The following TRIM35 variants were observed in gnomAD, a reference collection of about 807,000 sequenced individuals.
TRIM35 encodes the protein E3 ubiquitin-protein ligase TRIM35.
Under a neutral mutation model 49.1 loss-of-function variants are expected in TRIM35, and 37 were observed. That is an observed-to-expected ratio of 0.75 (90% CI 0.58 to 0.99). The LOEUF (loss-of-function observed/expected upper bound fraction) is 0.99, where lower values mean the gene tolerates loss of function less well. Ranked by LOEUF, TRIM35 falls within the 50% of genes least tolerant of loss-of-function variation. TRIM35 has a pLI of 0.00. For synonymous variants in TRIM35, 302 were observed against 289.3 expected (o/e 1.04, Z -0.45); for missense variants, 648 against 702.7 (o/e 0.92, Z 0.88).
intron 4 of TRIM35, among the ~76,000 whole-genome samples, chr8:27,289,503 C>T (rs1316857101): frequency 6.6e-6 from 1 of 152,200 alleles, no homozygotes; most frequent in East Asian, 1.9e-4. Context: ...CTCACCCTGC[C>T]CCAACTAGGA....
At chr8:27,310,696 C>A in intron 1 of TRIM35, 105 bp downstream of exon 1, 10 of 1,302,148 alleles carry the variant, frequency 7.7e-6, no homozygotes, top group Non-Finnish European at 9.4e-6. Flanking sequence ...GAGCGAGACG[C>A]GGGCACACTG....
chr8:27,308,495 A>C (rs1322580539), intron 1 of TRIM35, among the ~76,000 whole-genome samples: 1 of 152,204 alleles, frequency 6.6e-6, no homozygotes, highest in Non-Finnish European at 1.5e-5. Context: ...TGAGGCACAC[A>C]GCTTCTTACC....
chr8:27,289,092 C>G, intron 5 of TRIM35, 70 bp downstream of exon 5: 1 of 1,309,496 alleles, frequency 7.6e-7, no homozygotes, highest in Non-Finnish European at 1.1e-6. Context: ...AGAGACCAGC[C>G]CTGGTGCCTC....
At chr8:27,302,414 T>TA (rs528246754) in intron 1 of TRIM35, among the ~76,000 whole-genome samples, 297 of 152,246 alleles carry the variant, frequency 2.0e-3, no homozygotes, top group African/African-American at 6.3e-3. Flanking sequence ...ATTTTTAAAT[T>TA]AAAAAAACCC....
At chr8:27,309,189 C>T (rs963247920) in intron 1 of TRIM35, among the ~76,000 whole-genome samples, 2 of 152,160 alleles carry the variant, frequency 1.3e-5, no homozygotes, top group African/African-American at 2.4e-5. Flanking sequence ...AGCCCTGACC[C>T]CAGCATCTCC....
In TRIM35 at chr8:27,292,708, G is replaced by A. The variant is rs191663356; in HGVS notation, c.762+1372C>T. Among the ~76,000 whole-genome samples the A allele has an allele frequency of 1.3e-3, 205 of 152,214 alleles. 1 individual carries two copies. Among genetic ancestry groups the A allele is most frequent in the African/African-American group, 4.7e-3 (194 of 41,512 alleles). On this transcript the variant is annotated intron_variant, in intron 3 of 5. Coordinates refer to ENST00000305364, the MANE Select transcript of TRIM35 (RefSeq NM_171982.5). Reference sequence around the variant, plus strand: ...GTTTTTATGTGGGAGGAGGAACTGGGGAGTGACAGCTAAAGCAGGGCTGCT... The same window carrying A: ...GTTTTTATGTGGGAGGAGGAACTGGAGAGTGACAGCTAAAGCAGGGCTGCT...
At chr8:27,289,422 G>A (rs770921044) in intron 4 of TRIM35, 142 bp from the exon 5 acceptor site, 39 of 670,756 alleles carry the variant, frequency 5.8e-5, no homozygotes, top group Non-Finnish European at 9.3e-5. Flanking sequence ...GACAAGACTG[G>A]ACTGGGCTAC....
At chr8:27,299,149 T>C (rs1027841235) in intron 1 of TRIM35, among the ~76,000 whole-genome samples, 3 of 152,204 alleles carry the variant, frequency 2.0e-5, no homozygotes, top group Non-Finnish European at 2.9e-5. Context: ...CGGAATACTT[T>C]AATCAGCAGG....
At chr8:27,288,817 T>G (rs1231469962) in intron 5 of TRIM35, among the ~76,000 whole-genome samples, 1 of 152,238 alleles carries the variant, frequency 6.6e-6, no homozygotes, top group African/African-American at 2.4e-5. Flanking sequence ...TCATGTGGGC[T>G]GCAGTCGCCT....
rs551031134 is a variant in TRIM35, at chr8:27,286,393, G to A, written c.*1157C>T. 4.0e-5 allele frequency: 13 copies of A among 321,010 alleles called. 1 individual carries two copies. The highest frequency in any genetic ancestry group is 1.2e-4 in the Admixed American group (3 of 24,648). The allele number at this position is 321,010 out of a possible 1,614,324, so 19.9% of individuals were successfully genotyped here. A position where few individuals can be genotyped will look rare whatever the true frequency, so the allele number is the denominator to read the frequency against. ...CAGCGTTTAGGGCCACGTCCATGGC[G>A]CCACCCCTCTCCTTTCTTCCCAACT... On this transcript the variant is annotated 3_prime_UTR_variant, in exon 6 of 6. Transcript: ENST00000305364.
In TRIM35 at chr8:27,287,914, A is replaced by G. The variant is rs1288145107; in HGVS notation, c.1118T>C (p.Val373Ala). 3 of 1,612,860 alleles carry G rather than the reference A, an allele frequency of 1.9e-6. No individual in the cohort carries two copies. In the African/African-American group the frequency reaches 4.0e-5, roughly 22 times the overall value. ...GGLQSWRVGVVRVRQDSGAEG... is the reference protein window; with the variant it reads ...GGLQSWRVGVARVRQDSGAEG... ...AGCGCCCGAGTCCTGGCGCACACGT[A>G]CCACGCCCACCCTCCAGCTCTGCAG... Residue 373 changes from valine to alanine, a missense_variant, in exon 6 of 6, where the codon GTA becomes GCA. Physicochemically the swap from Val to Ala is moderately conservative, Grantham distance 64. Transcript: ENST00000305364. The surrounding 1 kb of genome is among the most constrained non-coding windows in gnomAD (Gnocchi z 6.0).
chr8:27,311,221 G>C lies in TRIM35; in HGVS notation c.15C>G (p.Pro5=). 1 of 1,562,550 alleles carries C rather than the reference G, an allele frequency of 6.4e-7. No homozygotes were observed. Among genetic ancestry groups the C allele is most frequent in the Non-Finnish European group, 8.7e-7 (1 of 1,150,828 alleles). MERS[P]DVSPGPSRSF... ...AGCGGGAAGGCCCGGGGGACACGTCGGGACTCCGCTCCATGGCACGAGCAG... is the reference window on the plus strand; with the variant it reads ...AGCGGGAAGGCCCGGGGGACACGTCCGGACTCCGCTCCATGGCACGAGCAG... The change falls in exon 1 of 6, where the codon CCC becomes CCG. Residue 5 remains proline, a synonymous_variant. Transcript: ENST00000305364.
chr8:27,285,221 T>C lies in TRIM35; in HGVS notation c.*2329A>G, dbSNP rs780923488. On this transcript the variant is annotated 3_prime_UTR_variant, in exon 6 of 6. Transcript: ENST00000305364. ...TTAAAAGATAGATAATAAAAAGCAC[T>C]GAGGGATGTGGAGTCATCAGAACCC... 1 of 152,200 alleles carries C rather than the reference T, an allele frequency of 6.6e-6. No individual in the cohort carries two copies. Among genetic ancestry groups the C allele is most frequent in the Non-Finnish European group, 1.5e-5 (1 of 68,044 alleles). The allele number at this position is 152,200 out of a possible 1,614,324, so 9.4% of individuals were successfully genotyped here. A position where few individuals can be genotyped will look rare whatever the true frequency, so the allele number is the denominator to read the frequency against.
At chr8:27,291,162 C>A (rs892700815) in intron 3 of TRIM35, among the ~76,000 whole-genome samples, 1 of 149,668 alleles carries the variant, frequency 6.7e-6, no homozygotes, top group Non-Finnish European at 1.5e-5. Context: ...GAGCTAAAAC[C>A]GATAAAAAAC....
At chr8:27,292,064 T>C (rs113929257) in intron 3 of TRIM35, among the ~76,000 whole-genome samples, 2,168 of 152,324 alleles carry the variant, frequency 0.014, 24 homozygotes, top group Middle Eastern at 0.034. Flanking sequence ...CAACCACCAA[T>C]TGATAAATCA....
chr8:27,299,008 T>C (rs1453968178), intron 1 of TRIM35, among the ~76,000 whole-genome samples: 2 of 152,160 alleles, frequency 1.3e-5, no homozygotes, highest in African/African-American at 4.8e-5. Flanking sequence ...GTGAGGTGAC[T>C]GACAATGGGG....
intron 2 of TRIM35, among the ~76,000 whole-genome samples, chr8:27,297,709 T>C (rs1802598108): frequency 6.6e-6 from 1 of 152,228 alleles, no homozygotes; most frequent in Non-Finnish European, 1.5e-5. Flanking sequence ...CAGGAAAAGC[T>C]TCTTTAAGAG....
chr8:27,294,109 T>A lies in TRIM35; in HGVS notation c.733A>T (p.Met245Leu). 1 of 1,614,180 alleles carries A rather than the reference T, an allele frequency of 6.2e-7. No homozygotes were observed. Among genetic ancestry groups the A allele is most frequent in the Non-Finnish European group, 8.5e-7 (1 of 1,180,042 alleles). Residue 245 changes from methionine to leucine, a missense_variant, in exon 3 of 6, where the codon ATG becomes TTG. By Grantham distance (15) the Met-to-Leu change is conservative. Transcript: ENST00000305364. ...AGAAAAGAAACGTCGTCCTCCTTCATCTCCATCTGCAGCCGCTCGATCTCA... is the reference window on the plus strand; with the variant it reads ...AGAAAAGAAACGTCGTCCTCCTTCAACTCCATCTGCAGCCGCTCGATCTCA... The part of the protein sequence containing the change: ...AHEIERLQME[M>L]KEDDVSFLMK...
rs1209021704 is a variant in TRIM35, at chr8:27,294,285, C to T, written c.557G>A (p.Arg186Gln). 1.9e-5 allele frequency: 31 copies of T among 1,613,810 alleles called. No homozygotes were observed. The highest frequency in any genetic ancestry group is 2.4e-5 in the Non-Finnish European group (28 of 1,180,038). The change falls in exon 3 of 6, where the codon CGG (arginine) becomes CAG (glutamine). Residue 186 changes from arginine to glutamine, a missense_variant. Physicochemically the swap from Arg to Gln is conservative, Grantham distance 43. Transcript: ENST00000305364. ...AAGCTTATCAAACTCCTGCCGGATC[C>T]GGCCTTCCAGCCATGCAGCCTCCAC... is the stretch of plus-strand genomic sequence containing the variant. Reference protein sequence around the residue: ...NQVEAAWLEGRIRQEFDKLRE... With the variant: ...NQVEAAWLEGQIRQEFDKLRE...
Sources: gnomAD v4.1 joint callset for allele counts (sites outside exome capture counted in the v4.1 genomes callset) on GRCh38, gnomAD v4.1.1 for gene constraint, Gnocchi (gnomAD v3.1) non-coding constraint, MANE v1.5 for transcripts, NCBI Gene and HGNC (gene_info 2026-07-23, HGNC 2026-07-21) for gene names.